FGF10: variants seen among roughly 807,000 people sequenced by gnomAD.
FGF10 encodes FGF-10.
Under a neutral mutation model 19.8 loss-of-function variants are expected in FGF10, and 2 were observed. That is an observed-to-expected ratio of 0.10 (90% CI 0.04 to 0.32). The LOEUF is 0.32. FGF10 is among the 10% of genes least tolerant of loss of function. The pLI, the probability that FGF10 is intolerant of heterozygous loss-of-function variation, is 1.00. For synonymous variants in FGF10, 112 were observed against 94.0 expected, an observed-to-expected ratio of 1.19 and a Z score of -1.10; for missense variants, 191 against 246.3, an observed-to-expected ratio of 0.78 and a Z score of 1.50.
intron 1 of FGF10, among the ~76,000 whole-genome samples, chr5:44,368,406 A>G (rs1252623964): frequency 6.6e-6 from 1 of 152,076 alleles, no homozygotes; most frequent in Non-Finnish European, 1.5e-5. Context: ...ACCGCATATA[A>G]CAAATAATTT....
intron 1 of FGF10, among the ~76,000 whole-genome samples, chr5:44,356,339 T>C (rs17234100): frequency 1.3e-5 from 2 of 151,490 alleles, no homozygotes; most frequent in Admixed American, 6.6e-5. Flanking sequence ...ATTCAACTTA[T>C]CTAAGTCTAA....
intron 1 of FGF10, among the ~76,000 whole-genome samples, chr5:44,374,666 C>G (rs1741814780): frequency 6.6e-6 from 1 of 152,130 alleles, no homozygotes; most frequent in African/African-American, 2.4e-5. Context: ...GCACTTTATT[C>G]TTCCTCTCTA....
chr5:44,315,231 G>C (rs890639144), intron 1 of FGF10, among the ~76,000 whole-genome samples: 1 of 151,124 alleles, frequency 6.6e-6, no homozygotes, highest in African/African-American at 2.4e-5. Context: ...TGGTATGAGA[G>C]ATAAAATATG....
chr5:44,322,733 C>T (rs1740526598), intron 1 of FGF10, among the ~76,000 whole-genome samples: 1 of 151,564 alleles, frequency 6.6e-6, no homozygotes, highest in Admixed American at 6.6e-5. Context: ...GGGTTTTCTG[C>T]AGTGACAGCA....
In FGF10 at chr5:44,336,775, T is replaced by C. The variant is rs543966373; in HGVS notation, c.326-26245A>G. ...ATAGAAGAATGATAAAAGAATATGG[T>C]AAAATGACAGTTACTTTTATTAATC... On this transcript the variant is annotated intron_variant, in intron 1 of 2. Transcript: ENST00000264664. 3.3e-5 allele frequency among the ~76,000 whole-genome samples: 5 copies of C among 152,316 alleles called. 2 individuals carry two copies. The South Asian group carries it at 1.0e-3, about 32-fold the overall frequency.
intron 1 of FGF10, among the ~76,000 whole-genome samples, chr5:44,313,577 T>C (rs1443927025): frequency 7.8e-6 from 1 of 128,192 alleles, no homozygotes; most frequent in Non-Finnish European, 1.6e-5. Flanking sequence ...CATTAAAAGC[T>C]ATAAAAAAAG....
At position 44,300,289 on chromosome 5, in the gene FGF10, G is replaced by A. The variant is rs1286453136; in HGVS notation, c.*4706C>T. On this transcript the variant is annotated 3_prime_UTR_variant, in exon 3 of 3. Coordinates refer to ENST00000264664, the MANE Select transcript of FGF10 (RefSeq NM_004465.2). ...TTTATTTTACACTTAAACAATGAAT[G>A]ACATCAGGGTTTCAGATTTTTTCTA... Among the ~76,000 whole-genome samples the A allele has an allele frequency of 6.6e-6, 1 of 151,870 alleles. No individual in the cohort carries two copies. Among genetic ancestry groups the A allele is most frequent in the African/African-American group, 2.4e-5 (1 of 41,336 alleles).
chr5:44,365,944 T>C (rs190834986), intron 1 of FGF10, among the ~76,000 whole-genome samples: 2 of 151,962 alleles, frequency 1.3e-5, no homozygotes, highest in East Asian at 3.9e-4. Context: ...TGACCACAGT[T>C]GGAAAATTTC....
At chr5:44,329,062 C>A (rs1459740061) in intron 1 of FGF10, among the ~76,000 whole-genome samples, 2 of 152,108 alleles carry the variant, frequency 1.3e-5, no homozygotes, top group South Asian at 2.1e-4. Context: ...TGGATTCCAA[C>A]CCAGAATAAC....
At chr5:44,346,398 A>T (rs1340764219) in intron 1 of FGF10, among the ~76,000 whole-genome samples, 8 of 151,878 alleles carry the variant, frequency 5.3e-5, no homozygotes, top group African/African-American at 1.9e-4. Context: ...TCCATTCACT[A>T]GCTTCCCAAA....
At chr5:44,337,667 C>G (rs1247670472) in intron 1 of FGF10, among the ~76,000 whole-genome samples, 2 of 152,132 alleles carry the variant, frequency 1.3e-5, no homozygotes, top group Admixed American at 1.3e-4. Context: ...TAGGGCCCAG[C>G]GTGGTGGCTC....
chr5:44,370,021 C>T (rs918664010), intron 1 of FGF10, among the ~76,000 whole-genome samples: 1 of 151,940 alleles, frequency 6.6e-6, no homozygotes, highest in African/African-American at 2.4e-5. Flanking sequence ...ATATTTGCCC[C>T]CCTCCTCCAC....
Position 44,388,407 on chromosome 5 carries a change from A to G in FGF10, c.276T>C (p.Ile92=), listed in dbSNP as rs1346569339. Residue 92 remains isoleucine, a synonymous_variant, in exon 1 of 3, where the codon ATT becomes ATC. Transcript: ENST00000264664. The part of the protein sequence containing the change: ...LFSFTKYFLK[I]EKNGKVSGTK... ...TCCCGCTGACCTTCCCGTTCTTCTC[A>G]ATCTTGAGAAAGTACTTGGTGAAAG... 4 of 1,613,668 alleles carry G rather than the reference A, an allele frequency of 2.5e-6. No individual in the cohort carries two copies. Among genetic ancestry groups the G allele is most frequent in the Middle Eastern group, 1.7e-4 (1 of 5,828 alleles).
chr5:44,351,263 T>C (rs1297768445), intron 1 of FGF10, among the ~76,000 whole-genome samples: 2 of 151,550 alleles, frequency 1.3e-5, no homozygotes, highest in Non-Finnish European at 3.0e-5. Flanking sequence ...AATTTTCTTA[T>C]ATAAATAAGT....
intron 1 of FGF10, among the ~76,000 whole-genome samples, chr5:44,320,268 C>A (rs573096378): frequency 2.8e-4 from 43 of 152,292 alleles, no homozygotes; most frequent in African/African-American, 1.0e-3. Context: ...TGGTGTCAGG[C>A]TTTAAGTCAG....
At chr5:44,346,094 C>G (rs1263484753) in intron 1 of FGF10, among the ~76,000 whole-genome samples, 1 of 151,718 alleles carries the variant, frequency 6.6e-6, no homozygotes, top group Non-Finnish European at 1.5e-5. Flanking sequence ...GATTTGTCCT[C>G]CTGAAGCTGT....
intron 1 of FGF10, among the ~76,000 whole-genome samples, chr5:44,370,736 A>G (rs1193605520): frequency 1.3e-5 from 2 of 152,186 alleles, no homozygotes; most frequent in African/African-American, 2.4e-5. Flanking sequence ...TGAGAGAAAC[A>G]AATTTTCTGT....
At chr5:44,323,850 A>G (rs577512371) in intron 1 of FGF10, among the ~76,000 whole-genome samples, 5 of 150,312 alleles carry the variant, frequency 3.3e-5, no homozygotes, top group African/African-American at 4.8e-5. Flanking sequence ...AAGAAAAAAC[A>G]TGATCTATCT....
intron 1 of FGF10, among the ~76,000 whole-genome samples, chr5:44,361,664 C>T (rs988708402): frequency 7.3e-5 from 11 of 151,652 alleles, no homozygotes; most frequent in African/African-American, 2.7e-4. Context: ...CTTGCATAGT[C>T]TGGCAAGATT....
Sources: gnomAD v4.1 joint callset for allele counts (sites outside exome capture counted in the v4.1 genomes callset) on GRCh38, gnomAD v4.1.1 for gene constraint, MANE v1.5 for transcripts, NCBI Gene and HGNC (gene_info 2026-07-23, HGNC 2026-07-21) for gene names.